The following ZDHHC9 variants were observed in gnomAD, a reference collection of about 807,000 sequenced individuals.
The protein encoded by ZDHHC9 is palmitoyltransferase ZDHHC9.
ZDHHC9 carries 3 observed loss-of-function variants against 26.6 expected under a neutral mutation model. The observed-to-expected ratio is 0.11, with a 90% CI of 0.05 to 0.29. The LOEUF is 0.29. Ranked by LOEUF, ZDHHC9 falls within the 10% of genes least tolerant of loss-of-function variation. The pLI, the probability that ZDHHC9 is intolerant of heterozygous loss-of-function variation, is 1.00. For synonymous variants in ZDHHC9, 111 were observed against 109.4 expected, an observed-to-expected ratio of 1.01 and a Z score of -0.09; for missense variants, 146 against 296.4, an observed-to-expected ratio of 0.49 and a Z score of 3.73.
At chrX:129,809,339 TA>T (rs1376659533) in intron 10 of ZDHHC9, among the ~76,000 whole-genome samples, 2 of 112,496 alleles carry the variant, frequency 1.8e-5, no homozygotes, top group East Asian at 2.8e-4. Flanking sequence ...GATGAATGGA[TA>T]AATGAAATGT....
intron 7 of ZDHHC9, 45 bp downstream of exon 7, chrX:129,813,632 T>C (rs746852550): frequency 1.7e-6 from 2 of 1,169,523 alleles, no homozygotes; most frequent in South Asian, 1.8e-5. Flanking sequence ...TGCTGGAAAG[T>C]AGCTTAAGAA....
chrX:129,817,543 T>G (rs1822460443), intron 5 of ZDHHC9, among the ~76,000 whole-genome samples: 1 of 111,764 alleles, frequency 8.9e-6, no homozygotes, highest in South Asian at 3.7e-4. Context: ...TTAATTACAT[T>G]CATAATGTGG....
chrX:129,806,793 A>G (rs1474321716), intron 10 of ZDHHC9, among the ~76,000 whole-genome samples: 1 of 112,217 alleles, frequency 8.9e-6, no homozygotes, highest in Non-Finnish European at 1.9e-5. Flanking sequence ...AACAAATGTC[A>G]TAACATACTT....
At chrX:129,839,286 C>T (rs1431361823) in intron 3 of ZDHHC9, among the ~76,000 whole-genome samples, 5 of 107,340 alleles carry the variant, frequency 4.7e-5, no homozygotes, top group African/African-American at 1.7e-4. Context: ...TCTCAGCTCA[C>T]TGCAACCTCC....
rs568801095 is a variant in ZDHHC9, at chrX:129,819,091, T to G, written c.488-4296A>C. Among the ~76,000 whole-genome samples the G allele has an allele frequency of 3.4e-3, 329 of 98,155 alleles. 1 individual carries two copies. Among genetic ancestry groups the G allele is most frequent in the Non-Finnish European group, 4.3e-3 (217 of 50,775 alleles). 85.2% of individuals were successfully genotyped at this position (98,155 alleles called of 115,157 possible). A position where few individuals can be genotyped will look rare whatever the true frequency, so the allele number is the denominator to read the frequency against. ...GGGAGGCTGAGGCAGAAGAATGGCG[T>G]GAACCCAGGAGGCGGAGCTTGCAGT... On this transcript the variant is annotated intron_variant, in intron 5 of 10. Transcript: ENST00000357166.
intron 2 of ZDHHC9, 24 bp from the exon 3 acceptor site, chrX:129,842,104 A>G: frequency 1.6e-6 from 1 of 610,596 alleles, no homozygotes; most frequent in Non-Finnish European, 2.6e-6. Flanking sequence ...GAAAAAGAAA[A>G]AAAAATGAGG....
Position 129,832,243 on chromosome X carries a change from G to A in ZDHHC9, c.168-3102C>T, listed in dbSNP as rs183836972. Among the ~76,000 whole-genome samples, 959 of 110,175 alleles carry A rather than the reference G, an allele frequency of 8.7e-3. 14 individuals are homozygous for A. The highest frequency in any genetic ancestry group is 0.073 in the South Asian group (192 of 2,634). On this transcript the variant is annotated intron_variant, in intron 3 of 10. Transcript: ENST00000357166. ...TAGACTAATCCCATAATTGCTATAA[G>A]CTGGAAGTCTGTCTCTGACAAGAAT... is the stretch of plus-strand genomic sequence containing the variant.
intron 6 of ZDHHC9, among the ~76,000 whole-genome samples, chrX:129,813,946 A>ACAGG (rs1356583975): frequency 8.9e-6 from 1 of 112,290 alleles, no homozygotes; most frequent in Non-Finnish European, 1.9e-5. Flanking sequence ...CCTGGACTAG[A>ACAGG]CAGGCAGGCA....
chrX:129,823,637 C>G lies in ZDHHC9; in HGVS notation c.487+42G>C, dbSNP rs769943879. The G allele has an allele frequency of 6.6e-6, 8 of 1,207,136 alleles. No individual in the cohort carries two copies. In the African/African-American group the frequency reaches 8.7e-5, roughly 13 times the overall value. Reference sequence around the variant, plus strand: ...TGACCACCCTGACTTTCTAGTTCAACTCAGCCTTTTCCCTAGGCAATGTCC... The same window carrying G: ...TGACCACCCTGACTTTCTAGTTCAAGTCAGCCTTTTCCCTAGGCAATGTCC... On this transcript the variant is annotated intron_variant, in intron 5 of 10. Coordinates refer to ENST00000357166, the MANE Select transcript of ZDHHC9 (RefSeq NM_016032.4).
chrX:129,815,217 T>C (rs1348826910), intron 5 of ZDHHC9, among the ~76,000 whole-genome samples: 1 of 111,918 alleles, frequency 8.9e-6, no homozygotes, highest in African/African-American at 3.2e-5. Flanking sequence ...CATAGTTCAA[T>C]GGAATGGAAA....
chrX:129,829,563 G>A (rs901678327), intron 3 of ZDHHC9, among the ~76,000 whole-genome samples: 1 of 111,743 alleles, frequency 8.9e-6, no homozygotes, highest in Non-Finnish European at 1.9e-5. Context: ...CATTCAAGCT[G>A]AGCTTGATGA....
At position 129,814,773 on chromosome X, in the gene ZDHHC9, G is replaced by A. The variant is rs1459836534; in HGVS notation, c.510C>T (p.Pro170=). Reference sequence around the variant, plus strand: ...TCTTTCCAACACAATTCCCCACCCAGGGGCAGTGATGGTCGAAGCGCTCTG... The same window carrying A: ...TCTTTCCAACACAATTCCCCACCCAAGGGCAGTGATGGTCGAAGCGCTCTG... The part of the protein sequence containing the change: ...NCVERFDHHC[P]WVGNCVGKRN... Residue 170 remains proline, a synonymous_variant, in exon 6 of 11, where the codon CCC becomes CCT. Transcript: ENST00000357166. The A allele has an allele frequency of 8.3e-7, 1 of 1,211,564 alleles. No individual in the cohort carries two copies. Among genetic ancestry groups the A allele is most frequent in the East Asian group, 3.0e-5 (1 of 33,836 alleles).
rs137969837 is a variant in ZDHHC9 at position 129,805,841 on chromosome X, T to A, written c.*529A>T. On this transcript the variant is annotated 3_prime_UTR_variant, in exon 11 of 11. Coordinates refer to ENST00000357166, the MANE Select transcript of ZDHHC9 (RefSeq NM_016032.4). ...GTACCTGTCCCATTCCTAAAAGGAT[T>A]TGTGGGCAATGCTGGCACTTGGTGG... 48 of 120,429 alleles carry A rather than the reference T, an allele frequency of 4.0e-4. No homozygotes were observed. The highest frequency in any genetic ancestry group is 1.5e-3 in the African/African-American group (45 of 30,537). 9.9% of individuals were successfully genotyped at this position (120,429 alleles called of 1,213,427 possible).
intron 3 of ZDHHC9, among the ~76,000 whole-genome samples, chrX:129,835,611 T>A (rs1928242406): frequency 9.0e-6 from 1 of 110,543 alleles, no homozygotes; most frequent in African/African-American, 3.3e-5. Context: ...GGAGAAACTC[T>A]GTCTCTACTA....
rs41482049 is a variant in ZDHHC9 at position 129,804,701 on chromosome X, T to C, written c.*1669A>G. ...AGTAAATATAATCCCTCTACCTTCC[T>C]GATCCTGTTCACACTATATCTCCTT... is the stretch of plus-strand genomic sequence containing the variant. On this transcript the variant is annotated 3_prime_UTR_variant, in exon 11 of 11. Transcript: ENST00000357166. 0.061 allele frequency: 6,780 copies of C among 111,957 alleles called. 509 individuals carry two copies. Among genetic ancestry groups the C allele is most frequent in the African/African-American group, 0.21 (6,338 of 30,666 alleles). 9.2% of individuals were successfully genotyped at this position (111,957 alleles called of 1,213,427 possible).
chrX:129,836,060 A>C (rs1335480452), intron 3 of ZDHHC9, among the ~76,000 whole-genome samples: 7 of 111,494 alleles, frequency 6.3e-5, no homozygotes, highest in Admixed American at 5.7e-4. Context: ...TACAGAGCAC[A>C]ATATAGTCAC....
At chrX:129,815,131 T>A (rs1175263935) in intron 5 of ZDHHC9, among the ~76,000 whole-genome samples, 1 of 110,780 alleles carries the variant, frequency 9.0e-6, no homozygotes, top group African/African-American at 3.3e-5. Flanking sequence ...TCGGTGGGCC[T>A]ACTAAGTTCA....
Position 129,829,644 on chromosome X carries a change from T to C in ZDHHC9, c.168-503A>G, listed in dbSNP as rs747735066. Reference sequence around the variant, plus strand: ...TCAGACAGAGAGTATCTCAGCATGCTTCAAGACCAGTGAAAACCTTCAGGG... The same window carrying C: ...TCAGACAGAGAGTATCTCAGCATGCCTCAAGACCAGTGAAAACCTTCAGGG... On this transcript the variant is annotated intron_variant, in intron 3 of 10. Transcript: ENST00000357166. 2.9e-4 allele frequency among the ~76,000 whole-genome samples: 32 copies of C among 112,135 alleles called. No homozygotes were observed. The South Asian group carries it at 3.4e-3, about 12-fold the overall frequency.
chrX:129,814,904 G>T, intron 5 of ZDHHC9, 109 bp from the exon 6 acceptor site: 5 of 798,926 alleles, frequency 6.3e-6, no homozygotes, highest in Non-Finnish European at 7.1e-6. Flanking sequence ...GTCTATTTCA[G>T]TTGTAAAAAA....
Sources: gnomAD v4.1 joint callset for allele counts (sites outside exome capture counted in the v4.1 genomes callset) on GRCh38, gnomAD v4.1.1 for gene constraint, MANE v1.5 for transcripts, NCBI Gene and HGNC (gene_info 2026-07-23, HGNC 2026-07-21) for gene names.